ARHGAP35: variants seen among roughly 807,000 people sequenced by gnomAD.
ARHGAP35 encodes Rho GTPase activating protein 35, also known as rho GTPase-activating protein 35.
A neutral mutation model predicts 111.1 loss-of-function variants in ARHGAP35; 15 were observed. That is an observed-to-expected ratio of 0.13 (90% CI 0.09 to 0.21). The LOEUF (loss-of-function observed/expected upper bound fraction) is 0.21. ARHGAP35 is among the 10% of genes least tolerant of loss of function. ARHGAP35 has a pLI of 1.00. For synonymous variants in ARHGAP35, 643 were observed against 710.3 expected (o/e 0.91, Z 1.51); for missense variants, 1,262 against 1,873.0 (o/e 0.67, Z 6.02).
At chr19:46,880,092 T>A (rs972327150) in intron 1 of ARHGAP35, among the ~76,000 whole-genome samples, 6 of 147,768 alleles carry the variant, frequency 4.1e-5, no homozygotes, top group African/African-American at 7.6e-5. Context: ...TCTCAAAAAA[T>A]AAATAAATAA....
At position 46,999,430 on chromosome 19, in the gene ARHGAP35, G is replaced by C; in HGVS notation, c.4142+21G>C. 1 of 1,521,406 alleles carries C rather than the reference G, an allele frequency of 6.6e-7. No homozygotes were observed. Among genetic ancestry groups the C allele is most frequent in the Admixed American group, 1.9e-5 (1 of 51,326 alleles). 94.2% of individuals were successfully genotyped at this position (1,521,406 alleles called of 1,614,324 possible). A position where few individuals can be genotyped will look rare whatever the true frequency, so the allele number is the denominator to read the frequency against. ...AACAAGTAAGTCGCAGGGCCTTCTG[G>C]TTGGTTTTTCCTCCTGAAAATTGAC... On this transcript the variant is annotated intron_variant, in intron 6 of 6. Transcript: ENST00000672722. This position sits in a 1 kb window ranked among gnomAD's most constrained non-coding sequence, Gnocchi z 5.4.
chr19:46,869,965 GA>G (rs899619950), intron 1 of ARHGAP35, among the ~76,000 whole-genome samples: 1 of 55,268 alleles, frequency 1.8e-5, no homozygotes, highest in African/African-American at 6.9e-5. Flanking sequence ...TTTTTTTTTT[GA>G]AACAGAGTCT....
At chr19:46,987,236 TGAGA>T (rs1459900038) in intron 3 of ARHGAP35, among the ~76,000 whole-genome samples, 3 of 142,286 alleles carry the variant, frequency 2.1e-5, no homozygotes, top group African/African-American at 5.3e-5. Context: ...TTTTTTTTTT[TGAGA>T]GAGTCTCACC....
intron 3 of ARHGAP35, among the ~76,000 whole-genome samples, chr19:46,970,371 G>T (rs1003704899): frequency 2.0e-5 from 3 of 151,986 alleles, no homozygotes; most frequent in Non-Finnish European, 4.4e-5. Flanking sequence ...TAATGTGGGG[G>T]AGAGCAAACT....
Position 46,999,183 on chromosome 19 carries a change from G to T in ARHGAP35, c.4037-121G>T. 1.5e-6 allele frequency: 1 copy of T among 655,630 alleles called. No individual in the cohort carries two copies. The allele number at this position is 655,630 out of a possible 1,614,324, so 40.6% of individuals were successfully genotyped here. ...GGGCACAGGCTTTGGGGGAAAGAGT[G>T]GGGTTAGTGTCATCCAAAAGCCCTG... is the stretch of plus-strand genomic sequence containing the variant. On this transcript the variant is annotated intron_variant, in intron 5 of 6. Transcript: ENST00000672722. This position sits in a 1 kb window ranked among gnomAD's most constrained non-coding sequence, Gnocchi z 5.4.
Position 46,892,156 on chromosome 19 carries a change from A to T in ARHGAP35, c.-188-26332A>T, listed in dbSNP as rs372064011. Among the ~76,000 whole-genome samples, 742 of 148,300 alleles carry T rather than the reference A, an allele frequency of 5.0e-3. 9 individuals carry two copies. The highest frequency in any genetic ancestry group is 0.018 in the African/African-American group (728 of 40,556). On this transcript the variant is annotated intron_variant, in intron 1 of 6. Coordinates refer to ENST00000672722, the MANE Select transcript of ARHGAP35 (RefSeq NM_004491.5). Reference sequence around the variant, plus strand: ...AAAAAAAAAAAAAAAAAGAAAAATTAGCCAGGCCTGGTGGCATGCCTGTTG... The same window carrying T: ...AAAAAAAAAAAAAAAAAGAAAAATTTGCCAGGCCTGGTGGCATGCCTGTTG...
intron 1 of ARHGAP35, among the ~76,000 whole-genome samples, chr19:46,910,474 G>A (rs963036321): frequency 7.2e-6 from 1 of 139,480 alleles, no homozygotes; most frequent in Non-Finnish European, 1.6e-5. Context: ...TTTTTTTTTT[G>A]TATTTTGGGG....
chr19:46,935,632 G>C (rs902089628), intron 2 of ARHGAP35, among the ~76,000 whole-genome samples: 1 of 152,184 alleles, frequency 6.6e-6, no homozygotes, highest in African/African-American at 2.4e-5. Flanking sequence ...TTAGGTTTAT[G>C]GGCTGTGCAC....
At chr19:46,917,681 T>TGAGTA (rs1414660553) in intron 1 of ARHGAP35, among the ~76,000 whole-genome samples, 1 of 152,190 alleles carries the variant, frequency 6.6e-6, no homozygotes, top group Non-Finnish European at 1.5e-5. Context: ...TATCCATTCA[T>TGAGTA]GAGTAGGTGG....
chr19:46,877,827 C>T (rs938998043), intron 1 of ARHGAP35, among the ~76,000 whole-genome samples: 7 of 152,050 alleles, frequency 4.6e-5, no homozygotes, highest in African/African-American at 1.7e-4. Context: ...CTGCCTCAGC[C>T]TCCCAAGTAG....
chr19:46,861,470 C>T (rs1170820306), intron 1 of ARHGAP35, among the ~76,000 whole-genome samples: 1 of 148,956 alleles, frequency 6.7e-6, no homozygotes, highest in Non-Finnish European at 1.5e-5. Flanking sequence ...CCGCCGCCCC[C>T]ATCCCCGACC....
chr19:46,880,078 A>G (rs1404806402), intron 1 of ARHGAP35, among the ~76,000 whole-genome samples: 1 of 151,224 alleles, frequency 6.6e-6, no homozygotes, highest in Non-Finnish European at 1.5e-5. Context: ...GAGGCAAGAC[A>G]ATGTCTCAAA....
At position 46,986,258 on chromosome 19, in the gene ARHGAP35, C is replaced by A. The variant is rs1449193037; in HGVS notation, c.3827-1731C>A. Among the ~76,000 whole-genome samples, 1 of 152,184 alleles carries A rather than the reference C, an allele frequency of 6.6e-6. No homozygotes were observed. Among genetic ancestry groups the A allele is most frequent in the Non-Finnish European group, 1.5e-5 (1 of 68,040 alleles). On this transcript the variant is annotated intron_variant, in intron 3 of 6. Transcript: ENST00000672722. The surrounding 1 kb of genome is among the most constrained non-coding windows in gnomAD (Gnocchi z 4.3). ...GGACAGGGTGAGTGGACTCAGTAGA[C>A]AGCTTGGAATCCACTCTAAGCTGAA...
chr19:46,946,564 G>A (rs2056380526), intron 3 of ARHGAP35: 1 of 151,994 alleles, frequency 6.6e-6, no homozygotes, highest in African/African-American at 2.4e-5. Flanking sequence ...CAGAAATGGG[G>A]TTACCCTGTC....
At chr19:46,900,560 G>T (rs915183933) in intron 1 of ARHGAP35, among the ~76,000 whole-genome samples, 1 of 152,122 alleles carries the variant, frequency 6.6e-6, no homozygotes, top group Non-Finnish European at 1.5e-5. Flanking sequence ...AAGTTCTGCA[G>T]GGCCTTGATA....
chr19:46,861,640 G>A (rs1239265220), intron 1 of ARHGAP35, among the ~76,000 whole-genome samples: 1 of 151,592 alleles, frequency 6.6e-6, no homozygotes, highest in Non-Finnish European at 1.5e-5. Context: ...TGACCATTCT[G>A]CATCTCTTAA....
rs889058641 is a variant in ARHGAP35 at position 46,940,685 on chromosome 19, G to T, written c.3826+3277G>T. Among the ~76,000 whole-genome samples, 12 of 150,922 alleles carry T rather than the reference G, an allele frequency of 8.0e-5. No individual in the cohort carries two copies. In the East Asian group the frequency reaches 2.3e-3, roughly 29 times the overall value. ...TCCCAGGCTGGTCTCAAACTCCTGA[G>T]CTCAAGCTATCCACAAGCCTCGACC... On this transcript the variant is annotated intron_variant, in intron 3 of 6. Coordinates refer to ENST00000672722, the MANE Select transcript of ARHGAP35 (RefSeq NM_004491.5).
chr19:46,869,478 G>T (rs1456868762), intron 1 of ARHGAP35, among the ~76,000 whole-genome samples: 1 of 123,538 alleles, frequency 8.1e-6, no homozygotes, highest in Non-Finnish European at 1.6e-5. Flanking sequence ...AAAAAAAATT[G>T]TGTGTGTGTG....
At chr19:46,953,845 C>T (rs781753162) in intron 3 of ARHGAP35, among the ~76,000 whole-genome samples, 2 of 152,224 alleles carry the variant, frequency 1.3e-5, no homozygotes, top group Non-Finnish European at 2.9e-5. Flanking sequence ...TCACACTGGA[C>T]TCCTTAGCAC....
Sources: allele counts gnomAD v4.1 joint callset (sites outside exome capture counted in the v4.1 genomes callset), GRCh38; gene constraint gnomAD v4.1.1; non-coding constraint Gnocchi (gnomAD v3.1); transcripts MANE v1.5; gene names NCBI Gene and HGNC (gene_info 2026-07-23, HGNC 2026-07-21).